GHR: variants seen among roughly 807,000 people sequenced by gnomAD.
GHR encodes GH receptor.
Under a neutral mutation model 67.1 loss-of-function variants are expected in GHR, and 35 were observed. The observed-to-expected ratio is 0.52, with a 90% CI of 0.40 to 0.69. The LOEUF (loss-of-function observed/expected upper bound fraction) is 0.69, where lower values mean the gene tolerates loss of function less well. Among genes scored for constraint, GHR ranks in the 30% least tolerant of loss-of-function variants. The pLI is 0.00. For synonymous variants in GHR, 272 were observed against 269.1 expected (o/e 1.01, Z -0.10); for missense variants, 792 against 764.6 (o/e 1.04, Z -0.42).
intron 2 of GHR, among the ~76,000 whole-genome samples, chr5:42,623,760 A>C (rs1470089968): frequency 1.3e-5 from 2 of 152,220 alleles, no homozygotes; most frequent in Admixed American, 6.5e-5. Flanking sequence ...TTTATAACCC[A>C]GCATTTAAAA....
Position 42,467,036 on chromosome 5 carries a change from A to C in GHR, c.-12+43081A>C. On this transcript the variant is annotated intron_variant, in intron 1 of 9. Coordinates refer to ENST00000230882, the MANE Select transcript of GHR (RefSeq NM_000163.5). The stretch of plus-strand genomic sequence containing the variant: ...AACCTCTGTCTGAAGGCCTTCCCAC[A>C]CTCATTACACATGTAAGGTTTTTCT... The C allele has an allele frequency of 7.6e-6, 12 of 1,573,350 alleles. No individual in the cohort carries two copies. In the South Asian group the frequency reaches 1.4e-4, roughly 18 times the overall value.
intron 7 of GHR, 111 bp from the exon 8 acceptor site, chr5:42,713,318 C>T: frequency 1.4e-6 from 1 of 695,886 alleles, no homozygotes; most frequent in Non-Finnish European, 2.6e-6. Context: ...AAATCACTGA[C>T]TTTATTAGAT....
chr5:42,513,994 G>A (rs879318135), intron 1 of GHR: 4 of 390,938 alleles, frequency 1.0e-5, no homozygotes, highest in Non-Finnish European at 1.4e-5. Context: ...CTATCCTGAA[G>A]GTCTTTGAAA....
At chr5:42,477,592 G>A (rs1021370429) in intron 1 of GHR, among the ~76,000 whole-genome samples, 4 of 152,262 alleles carry the variant, frequency 2.6e-5, no homozygotes, top group Admixed American at 2.6e-4. Context: ...GTGTGAGATG[G>A]TATCTCATAG....
At chr5:42,439,688 G>C (rs116530322) in intron 1 of GHR, among the ~76,000 whole-genome samples, 1 of 152,172 alleles carries the variant, frequency 6.6e-6, no homozygotes, top group Non-Finnish European at 1.5e-5. Flanking sequence ...CCTTACAGAA[G>C]ATACTTGTTG....
At chr5:42,438,487 T>G (rs558980748) in intron 1 of GHR, among the ~76,000 whole-genome samples, 13 of 152,320 alleles carry the variant, frequency 8.5e-5, no homozygotes, top group Non-Finnish European at 1.8e-4. Context: ...GATGTGTGGC[T>G]TTAGCGACTA....
chr5:42,599,620 C>A (rs1752262441), intron 2 of GHR, among the ~76,000 whole-genome samples: 2 of 151,964 alleles, frequency 1.3e-5, no homozygotes, highest in Non-Finnish European at 2.9e-5. Context: ...GCCTCTTGGC[C>A]TCCCAAAGTG....
intron 2 of GHR, among the ~76,000 whole-genome samples, chr5:42,613,673 ATGAG>A (rs1159041437): frequency 1.3e-5 from 2 of 152,150 alleles, no homozygotes; most frequent in South Asian, 4.1e-4. Flanking sequence ...AGATAAATGA[ATGAG>A]TGAATGGCAT....
intron 1 of GHR, among the ~76,000 whole-genome samples, chr5:42,457,085 G>A (rs1744293888): frequency 6.6e-6 from 1 of 152,098 alleles, no homozygotes; most frequent in Non-Finnish European, 1.5e-5. Context: ...TTCTTCCTGT[G>A]ATTTACTGTG....
chr5:42,499,702 G>A (rs1746459758), intron 1 of GHR, among the ~76,000 whole-genome samples: 1 of 152,156 alleles, frequency 6.6e-6, no homozygotes, highest in African/African-American at 2.4e-5. Flanking sequence ...GGCTGGACAT[G>A]TTTTCTGTTG....
chr5:42,693,766 G>T (rs892674225), intron 4 of GHR, among the ~76,000 whole-genome samples: 1 of 152,120 alleles, frequency 6.6e-6, no homozygotes, highest in African/African-American at 2.4e-5. Context: ...TCTGGCCTGT[G>T]AGCCACAGGC....
intron 2 of GHR, among the ~76,000 whole-genome samples, chr5:42,590,853 C>G (rs1751737391): frequency 6.6e-6 from 1 of 152,160 alleles, no homozygotes; most frequent in Admixed American, 6.5e-5. Flanking sequence ...TGACCACTTG[C>G]TTTCTCTATT....
At chr5:42,678,081 A>G (rs183591731) in intron 3 of GHR, among the ~76,000 whole-genome samples, 70 of 152,306 alleles carry the variant, frequency 4.6e-4, no homozygotes, top group Admixed American at 1.2e-3. Context: ...AGATTAGCTC[A>G]CTTAATCTTT....
chr5:42,431,911 C>A (rs959202525), intron 1 of GHR, among the ~76,000 whole-genome samples: 1 of 152,058 alleles, frequency 6.6e-6, no homozygotes, highest in Non-Finnish European at 1.5e-5. Context: ...TGGTGGACAA[C>A]CTGTGTCCTA....
At chr5:42,585,969 C>T (rs1276426171) in intron 2 of GHR, among the ~76,000 whole-genome samples, 5 of 152,042 alleles carry the variant, frequency 3.3e-5, no homozygotes, top group Non-Finnish European at 5.9e-5. Context: ...CTTCTCTGTG[C>T]CTCAGTTTCT....
chr5:42,586,532 A>G (rs1446863191), intron 2 of GHR, among the ~76,000 whole-genome samples: 1 of 152,258 alleles, frequency 6.6e-6, no homozygotes. Flanking sequence ...TTAAGGGACT[A>G]TCATGTATGC....
At chr5:42,529,772 C>T (rs570711073) in intron 1 of GHR, among the ~76,000 whole-genome samples, 1 of 152,200 alleles carries the variant, frequency 6.6e-6, no homozygotes, top group South Asian at 2.1e-4. Flanking sequence ...AGTAAATTTA[C>T]TCTTGTCATC....
At chr5:42,538,436 G>T (rs771208722) in intron 1 of GHR, among the ~76,000 whole-genome samples, 9 of 152,134 alleles carry the variant, frequency 5.9e-5, no homozygotes, top group Non-Finnish European at 1.3e-4. Context: ...CATATATGAT[G>T]CTTAGCTTGC....
rs1395928148 is a variant in GHR, at chr5:42,534,118, G to GTATA, written c.-11-31743_-11-31742insATAT. The stretch of plus-strand genomic sequence containing the variant: ...AGTATATATGTACGTATGTATATAT[G>GTATA]TATGTATATATATGTACATATGTAT... On this transcript the variant is annotated intron_variant, in intron 1 of 9. Transcript: ENST00000230882. Among the ~76,000 whole-genome samples, 863 of 145,974 alleles carry GTATA rather than the reference G, an allele frequency of 5.9e-3. 3 individuals are homozygous for GTATA. The highest frequency in any genetic ancestry group is 0.021 in the African/African-American group (817 of 38,748).
Sources: allele counts gnomAD v4.1 joint callset (sites outside exome capture counted in the v4.1 genomes callset), GRCh38; gene constraint gnomAD v4.1.1; transcripts MANE v1.5; gene names NCBI Gene and HGNC (gene_info 2026-07-23, HGNC 2026-07-21).